SLC37A2: variants seen among roughly 807,000 people sequenced by gnomAD.
The protein encoded by SLC37A2 is glucose-6-phosphate exchanger SLC37A2.
A neutral mutation model predicts 70.7 loss-of-function variants in SLC37A2; 59 were observed. The ratio of observed to expected loss-of-function variants is 0.83; its 90% CI spans 0.68 to 1.04. The LOEUF is 1.04. SLC37A2 is among the 50% of genes least tolerant of loss of function. The probability of loss-of-function intolerance (pLI) is 0.00; values close to 1 mark genes in which losing one functional copy is unlikely to be tolerated. For synonymous variants in SLC37A2, 257 were observed against 262.1 expected, an observed-to-expected ratio of 0.98 and a Z score of 0.19; for missense variants, 580 against 658.1, an observed-to-expected ratio of 0.88 and a Z score of 1.30.
chr11:125,074,246 A>G (rs1949059351), intron 1 of SLC37A2, among the ~76,000 whole-genome samples: 1 of 151,562 alleles, frequency 6.6e-6, no homozygotes, highest in Admixed American at 6.6e-5. Flanking sequence ...CTTTCCCGAC[A>G]CTGCTCCCTC....
At chr11:125,068,101 C>T (rs1309573104) in intron 1 of SLC37A2, among the ~76,000 whole-genome samples, 1 of 152,188 alleles carries the variant, frequency 6.6e-6, no homozygotes, top group East Asian at 1.9e-4. Context: ...TTTCTCCAGC[C>T]TCCAACACTC....
chr11:125,086,075 G>GCCCAGC, intron 17 of SLC37A2, 57 bp downstream of exon 17: 5 of 1,579,148 alleles, frequency 3.2e-6, no homozygotes, highest in Non-Finnish European at 4.4e-6. Flanking sequence ...GTGGGAATCA[G>GCCCAGC]CCCAGCGCTC....
chr11:125,079,634 C>A, intron 5 of SLC37A2, 50 bp from the exon 6 acceptor site: 1 of 1,469,356 alleles, frequency 6.8e-7, no homozygotes, highest in East Asian at 2.4e-5. Context: ...AGCAGGGAGC[C>A]AGTCGCACAG....
At chr11:125,072,982 C>G (rs1420403520) in intron 1 of SLC37A2, among the ~76,000 whole-genome samples, 3 of 152,184 alleles carry the variant, frequency 2.0e-5, no homozygotes, top group Non-Finnish European at 4.4e-5. Context: ...GAGGACCCCC[C>G]ACCCGCCACC....
intron 1 of SLC37A2, among the ~76,000 whole-genome samples, chr11:125,074,141 G>T (rs1188107065): frequency 6.6e-6 from 1 of 152,014 alleles, no homozygotes; most frequent in Non-Finnish European, 1.5e-5. Flanking sequence ...GTGCCTTCGT[G>T]CACGCTGCTT....
At chr11:125,081,482 T>C (rs1428672226) in intron 8 of SLC37A2, 24 bp downstream of exon 8, 3 of 1,601,822 alleles carry the variant, frequency 1.9e-6, no homozygotes, top group Non-Finnish European at 2.6e-6. Context: ...CTCCCAGCCC[T>C]ATCCCTGCCC....
At chr11:125,076,710 A>G (rs1949090644) in intron 1 of SLC37A2, 47 bp from the exon 2 acceptor site, 1 of 1,585,336 alleles carries the variant, frequency 6.3e-7, no homozygotes, top group African/African-American at 1.3e-5. Context: ...CAGAACTTCC[A>G]GCTGGGGCTG....
chr11:125,076,073 C>T (rs185852736), intron 1 of SLC37A2, among the ~76,000 whole-genome samples: 1 of 152,140 alleles, frequency 6.6e-6, no homozygotes, highest in African/African-American at 2.4e-5. Flanking sequence ...GAGTGCCACC[C>T]GCCTGCACTG....
intron 10 of SLC37A2, among the ~76,000 whole-genome samples, chr11:125,082,720 C>G (rs1171204175): frequency 6.6e-6 from 1 of 152,112 alleles, no homozygotes; most frequent in Non-Finnish European, 1.5e-5. Context: ...ATCTCTCCCC[C>G]AGCCCAAGGA....
At chr11:125,071,938 A>C (rs1949033683) in intron 1 of SLC37A2, among the ~76,000 whole-genome samples, 1 of 152,196 alleles carries the variant, frequency 6.6e-6, no homozygotes, top group Admixed American at 6.5e-5. Context: ...GCTTAGTCTC[A>C]GAACAGTCAC....
intron 3 of SLC37A2, 48 bp from the exon 4 acceptor site, chr11:125,077,402 C>T: frequency 6.3e-7 from 1 of 1,596,620 alleles, no homozygotes; most frequent in Non-Finnish European, 8.6e-7. Context: ...GGGCTTCCTG[C>T]AGGGGCATCC....
intron 2 of SLC37A2, 138 bp from the exon 3 acceptor site, chr11:125,077,092 C>T: frequency 2.6e-6 from 2 of 777,410 alleles, no homozygotes; most frequent in Non-Finnish European, 4.2e-6. Flanking sequence ...CCCCTGCAGC[C>T]AGTTCCTGCA....
chr11:125,084,256 C>G lies in SLC37A2; in HGVS notation c.1062C>G (p.Val354=). Residue 354 remains valine (V), a synonymous_variant, in exon 12 of 18, where the codon GTC becomes GTG. Transcript: ENST00000403796. ...GIIGGIVAGL[V]SDYTNGRATT... ...CAGGCGGCATCGTGGCAGGGCTCGT[C>G]TCTGACTACACCAATGGCAGGGCCA... The G allele has an allele frequency of 6.2e-7, 1 of 1,614,220 alleles. No individual in the cohort carries two copies. Among genetic ancestry groups the G allele is most frequent in the African/African-American group, 1.3e-5 (1 of 75,050 alleles).
chr11:125,084,731 G>A (rs1386101995), intron 12 of SLC37A2, 94 bp from the exon 13 acceptor site: 3 of 1,304,988 alleles, frequency 2.3e-6, no homozygotes, highest in Admixed American at 3.8e-5. Context: ...TGCCCTCTGG[G>A]GTTTCAGGGC....
intron 1 of SLC37A2, among the ~76,000 whole-genome samples, chr11:125,075,076 A>G (rs892068794): frequency 1.3e-5 from 2 of 152,182 alleles, no homozygotes; most frequent in African/African-American, 4.8e-5. Flanking sequence ...AGAGGCAAAA[A>G]AAAGGCTTAG....
intron 6 of SLC37A2, 69 bp downstream of exon 6, chr11:125,079,829 G>T: frequency 8.3e-7 from 1 of 1,207,182 alleles, no homozygotes; most frequent in Non-Finnish European, 1.2e-6. Context: ...GGTCACCGTG[G>T]CCTCTGATGT....
rs1244604876 is a variant in SLC37A2 at position 125,063,360 on chromosome 11, C to T, written c.-8C>T. On this transcript the variant is annotated 5_prime_UTR_variant, in exon 1 of 18. Coordinates refer to ENST00000403796, the MANE Select transcript of SLC37A2 (RefSeq NM_001145290.2). The surrounding 1 kb of genome is among the most constrained non-coding windows in gnomAD (Gnocchi z 5.4). ...CGTCGACTCAGCCTTAGGTACCGGTCAGGCAAAATGCGGTCCTCCCTGGCT... is the reference window on the plus strand; with the variant it reads ...CGTCGACTCAGCCTTAGGTACCGGTTAGGCAAAATGCGGTCCTCCCTGGCT... 2.7e-5 allele frequency: 44 copies of T among 1,610,646 alleles called. No homozygotes were observed. Among genetic ancestry groups the T allele is most frequent in the Non-Finnish European group, 3.5e-5 (41 of 1,178,686 alleles).
intron 1 of SLC37A2, 93 bp from the exon 2 acceptor site, chr11:125,076,664 G>T (rs373111916): frequency 1.7e-5 from 20 of 1,159,296 alleles, no homozygotes; most frequent in South Asian, 7.6e-5. Flanking sequence ...CAGGCCCTGG[G>T]ACTGCCAGAG....
At chr11:125,077,655 T>C in intron 4 of SLC37A2, 127 bp downstream of exon 4, 2 of 691,560 alleles carry the variant, frequency 2.9e-6, no homozygotes, top group Non-Finnish European at 4.8e-6. Flanking sequence ...CCCACAGCCA[T>C]CCTCCTTGCC....
Sources: gnomAD v4.1 joint callset for allele counts (sites outside exome capture counted in the v4.1 genomes callset) on GRCh38, gnomAD v4.1.1 for gene constraint, Gnocchi (gnomAD v3.1) non-coding constraint, MANE v1.5 for transcripts, NCBI Gene and HGNC (gene_info 2026-07-23, HGNC 2026-07-21) for gene names.